COLEC10: variants seen among roughly 807,000 people sequenced by gnomAD.
The protein encoded by COLEC10 is collectin-10.
Under a neutral mutation model 28.4 loss-of-function variants are expected in COLEC10, and 22 were observed. That is an observed-to-expected ratio of 0.78 (90% CI 0.55 to 1.11). The LOEUF is 1.11. Among genes scored for constraint, COLEC10 ranks in the 50% least tolerant of loss-of-function variants. The pLI is 0.00. For missense variants in COLEC10, 361 were observed against 344.1 expected, an observed-to-expected ratio of 1.05 and a Z score of -0.39; for synonymous variants, 125 against 116.1, an observed-to-expected ratio of 1.08 and a Z score of -0.49.
intron 2 of COLEC10, among the ~76,000 whole-genome samples, chr8:119,032,129 A>G (rs957126807): frequency 6.6e-6 from 1 of 152,230 alleles, no homozygotes. Flanking sequence ...TGCAAAGAAC[A>G]GAGTATTGGA....
chr8:119,089,574 C>T lies in COLEC10; in HGVS notation c.149-106C>T, dbSNP rs193298575. On this transcript the variant is annotated intron_variant, in intron 1 of 5. Coordinates refer to ENST00000332843, the MANE Select transcript of COLEC10 (RefSeq NM_006438.5). ...ACTCACAGCTGGATTGTGAGGCAAGCGCTGAGCTGAGGGAAAGATTGTAAC... is the reference window on the plus strand; with the variant it reads ...ACTCACAGCTGGATTGTGAGGCAAGTGCTGAGCTGAGGGAAAGATTGTAAC... 1,072 of 824,500 alleles carry T rather than the reference C, an allele frequency of 1.3e-3. 3 individuals are homozygous for T. The highest frequency in any genetic ancestry group is 2.0e-3 in the Non-Finnish European group (978 of 495,494). The allele number at this position is 824,500 out of a possible 1,614,324, so 51.1% of individuals were successfully genotyped here.
chr8:119,084,287 G>A (rs894578784), intron 1 of COLEC10, among the ~76,000 whole-genome samples: 1 of 152,138 alleles, frequency 6.6e-6, no homozygotes, highest in Non-Finnish European at 1.5e-5. Context: ...ATGTGATTAA[G>A]ATTTGACGCC....
intron 1 of COLEC10, among the ~76,000 whole-genome samples, chr8:119,084,407 C>T (rs568352625): frequency 1.3e-5 from 2 of 152,312 alleles, no homozygotes; most frequent in Admixed American, 1.3e-4. Flanking sequence ...CTTCTTCCAA[C>T]CACTCTGTCC....
chr8:119,050,656 G>A (rs1814659528), intron 2 of COLEC10, among the ~76,000 whole-genome samples: 1 of 152,032 alleles, frequency 6.6e-6, no homozygotes, highest in African/African-American at 2.4e-5. Context: ...CAACTCATGT[G>A]GAAAAAATGT....
chr8:119,050,753 C>CAGTG (rs1814660618), intron 2 of COLEC10, among the ~76,000 whole-genome samples: 1 of 152,156 alleles, frequency 6.6e-6, no homozygotes, highest in South Asian at 2.1e-4. Context: ...AAATATATGT[C>CAGTG]AGTGATTCTG....
chr8:118,954,460 T>C, the COLEC10 span, among the ~76,000 whole-genome samples: 4 of 152,190 alleles, frequency 2.6e-5, no homozygotes, highest in African/African-American at 9.7e-5. Flanking sequence ...TAAGATTTAA[T>C]TGGAATGGAC....
At chr8:118,968,666 C>T in the COLEC10 span, among the ~76,000 whole-genome samples, 2 of 151,706 alleles carry the variant, frequency 1.3e-5, no homozygotes, top group African/African-American at 2.4e-5. Flanking sequence ...GGTACATGTG[C>T]AGAACGTGCA....
intron 2 of COLEC10, among the ~76,000 whole-genome samples, chr8:119,090,723 C>T (rs956696882): frequency 3.9e-5 from 6 of 152,086 alleles, no homozygotes; most frequent in East Asian, 1.9e-4. Flanking sequence ...GCATGTTCCC[C>T]GCCCTGTTTT....
At chr8:118,998,996 CTA>C (rs1813641290) in intron 1 of COLEC10, among the ~76,000 whole-genome samples, 3 of 151,982 alleles carry the variant, frequency 2.0e-5, no homozygotes, top group African/African-American at 7.3e-5. Context: ...GCTAAGTACT[CTA>C]TGTATATTAT....
chr8:119,011,195 G>A (rs1813895915), intron 2 of COLEC10, among the ~76,000 whole-genome samples: 1 of 150,872 alleles, frequency 6.6e-6, no homozygotes, highest in Non-Finnish European at 1.5e-5. Flanking sequence ...TTATTTATTG[G>A]CATATGAATG....
intron 3 of COLEC10, among the ~76,000 whole-genome samples, chr8:119,093,457 T>C (rs1404287151): frequency 3.3e-5 from 5 of 152,150 alleles, no homozygotes; most frequent in African/African-American, 1.2e-4. Context: ...GGAAGAGCAA[T>C]ATGAGCTTCC....
intron 2 of COLEC10, among the ~76,000 whole-genome samples, chr8:119,052,756 G>T (rs932392194): frequency 1.3e-5 from 2 of 152,148 alleles, no homozygotes; most frequent in South Asian, 4.1e-4. Context: ...CTAACTGAAA[G>T]ACTTGTTGCT....
At chr8:119,007,475 AC>A (rs1458012666) in intron 1 of COLEC10, among the ~76,000 whole-genome samples, 1 of 145,948 alleles carries the variant, frequency 6.9e-6, no homozygotes, top group African/African-American at 2.8e-5. Flanking sequence ...ATTGGGATTT[AC>A]CCATTTTGGT....
At chr8:118,990,837 T>A (rs17758222), upstream of COLEC10, among the ~76,000 whole-genome samples, 1 of 151,216 alleles carries the variant, frequency 6.6e-6, no homozygotes, top group East Asian at 2.0e-4. Context: ...AAACTGAGAG[T>A]CCCAGAGCTA....
At chr8:118,987,455 T>C in the COLEC10 span, among the ~76,000 whole-genome samples, 1 of 152,038 alleles carries the variant, frequency 6.6e-6, no homozygotes. Context: ...TCCCAGCTAT[T>C]TGGGAGGCTG....
At chr8:119,009,226 C>T (rs1813861383) in intron 1 of COLEC10, among the ~76,000 whole-genome samples, 1 of 151,036 alleles carries the variant, frequency 6.6e-6, no homozygotes, top group South Asian at 2.1e-4. Context: ...TAGAGCTTTG[C>T]TATGGTTGGA....
At chr8:119,016,983 G>T (rs1814002796) in intron 2 of COLEC10, among the ~76,000 whole-genome samples, 1 of 69,312 alleles carries the variant, frequency 1.4e-5, no homozygotes, top group African/African-American at 5.5e-5. Flanking sequence ...TGAAGTGCTG[G>T]GATAACAGGG....
chr8:119,016,403 C>A (rs1292291120), intron 2 of COLEC10, among the ~76,000 whole-genome samples: 1 of 152,172 alleles, frequency 6.6e-6, no homozygotes, highest in Non-Finnish European at 1.5e-5. Context: ...GTATGTGCCA[C>A]ATTTTCTTTG....
At chr8:119,003,689 A>G (rs1813739813) in intron 1 of COLEC10, among the ~76,000 whole-genome samples, 1 of 152,006 alleles carries the variant, frequency 6.6e-6, no homozygotes, top group South Asian at 2.1e-4. Flanking sequence ...AGTAAGAGAG[A>G]TCTGATCCCA....
Sources: gnomAD v4.1 joint callset for allele counts (sites outside exome capture counted in the v4.1 genomes callset) on GRCh38, gnomAD v4.1.1 for gene constraint, MANE v1.5 for transcripts, NCBI Gene and HGNC (gene_info 2026-07-23, HGNC 2026-07-21) for gene names.